PARD3B: variants seen among roughly 807,000 people sequenced by gnomAD.
The protein encoded by PARD3B is par-3 family cell polarity regulator beta, also known as partitioning defective 3 homolog B.
In PARD3B, 103 loss-of-function variants were observed where a neutral mutation model predicts 130.2. The ratio of observed to expected loss-of-function variants is 0.79; its 90% CI spans 0.67 to 0.93. The LOEUF (loss-of-function observed/expected upper bound fraction) is 0.93. PARD3B is among the 40% of genes least tolerant of loss of function. PARD3B has a pLI of 0.00. For missense variants in PARD3B, 1,609 were observed against 1,499.2 expected, an observed-to-expected ratio of 1.07 and a Z score of -1.21; for synonymous variants, 583 against 553.2, an observed-to-expected ratio of 1.05 and a Z score of -0.76.
At chr2:205,215,116 G>A (rs537533060) in intron 15 of PARD3B, among the ~76,000 whole-genome samples, 34 of 152,078 alleles carry the variant, frequency 2.2e-4, no homozygotes, top group Admixed American at 3.3e-4. Flanking sequence ...GTTTTAGAAG[G>A]TTCATTTTAA....
chr2:204,675,240 C>G lies in PARD3B; in HGVS notation c.121-10941C>G, dbSNP rs1574669444. On this transcript the variant is annotated intron_variant, in intron 1 of 22. Coordinates refer to ENST00000406610, the MANE Select transcript of PARD3B (RefSeq NM_001302769.2). The surrounding 1 kb of genome is among the most constrained non-coding windows in gnomAD (Gnocchi z 4.4). ...AAATTAGTAATGGTTCAGTGTTTTA[C>G]GTCTTTCATACTGAGAATTGTTTTT... Among the ~76,000 whole-genome samples, 1 of 152,016 alleles carries G rather than the reference C, an allele frequency of 6.6e-6. No individual in the cohort carries two copies. Among genetic ancestry groups the G allele is most frequent in the Admixed American group, 6.6e-5 (1 of 15,256 alleles).
chr2:205,249,265 C>A (rs1189898580), intron 16 of PARD3B, among the ~76,000 whole-genome samples: 1 of 150,286 alleles, frequency 6.7e-6, no homozygotes, highest in Non-Finnish European at 1.5e-5. Flanking sequence ...TTTATACTAT[C>A]CAAGACCAAC....
At chr2:205,120,684 T>C (rs2125618517) in intron 7 of PARD3B, among the ~76,000 whole-genome samples, 1 of 152,306 alleles carries the variant, frequency 6.6e-6, no homozygotes, top group Non-Finnish European at 1.5e-5. Flanking sequence ...GTGGCTACTA[T>C]CCTTCAGTGG....
intron 2 of PARD3B, among the ~76,000 whole-genome samples, chr2:204,948,538 C>T (rs972972552): frequency 6.6e-6 from 1 of 152,152 alleles, no homozygotes; most frequent in African/African-American, 2.4e-5. Context: ...GCTCCCAGTT[C>T]TGACCACATT....
In PARD3B at chr2:205,113,547, T is replaced by C. The variant is rs767545557; in HGVS notation, c.650T>C (p.Val217Ala). Residue 217 changes from valine (V) to alanine (A), a missense_variant, in exon 6 of 23, where the codon GTA (valine) becomes GCA (alanine). Coordinates refer to ENST00000406610, the MANE Select transcript of PARD3B (RefSeq NM_001302769.2). ...SGEGGPLGIH[V>A]VPFFSSLSGR... ...GAAGGAGGCCCATTGGGAATACATG[T>C]AGTGCCCTTCTTTTCATCTCTGAGT... 2 of 1,613,216 alleles carry C rather than the reference T, an allele frequency of 1.2e-6. No individual in the cohort carries two copies. Among genetic ancestry groups the C allele is most frequent in the South Asian group, 1.1e-5 (1 of 91,002 alleles).
intron 1 of PARD3B, among the ~76,000 whole-genome samples, chr2:204,596,917 ACTCT>A (rs560128486): frequency 8.9e-4 from 112 of 125,202 alleles, no homozygotes; most frequent in Non-Finnish European, 1.2e-3. Flanking sequence ...AAACTCACTC[ACTCT>A]CTCTCTCTCT....
intron 21 of PARD3B, among the ~76,000 whole-genome samples, chr2:205,523,741 G>T: frequency 6.7e-6 from 1 of 148,350 alleles, no homozygotes. Context: ...TATATGCAGT[G>T]TTTAATGCCA....
chr2:205,226,852 GAT>G (rs1686238767), intron 15 of PARD3B, among the ~76,000 whole-genome samples: 1 of 152,108 alleles, frequency 6.6e-6, no homozygotes, highest in Admixed American at 6.6e-5. Context: ...GGCCTTTTGT[GAT>G]ATGACATAGA....
At chr2:205,324,108 A>C (rs183923159) in intron 18 of PARD3B, among the ~76,000 whole-genome samples, 13 of 152,284 alleles carry the variant, frequency 8.5e-5, no homozygotes, top group Non-Finnish European at 1.8e-4. Context: ...CAGGGGCTTT[A>C]CAGTGTCTAA....
At chr2:205,207,169 C>T (rs1466437666) in intron 15 of PARD3B, among the ~76,000 whole-genome samples, 14 of 134,912 alleles carry the variant, frequency 1.0e-4, no homozygotes, top group Admixed American at 1.5e-4. Context: ...TTGAAACCAA[C>T]GAGAACAAAG....
intron 2 of PARD3B, among the ~76,000 whole-genome samples, chr2:204,825,644 TG>T (rs1181285269): frequency 2.6e-5 from 4 of 152,162 alleles, no homozygotes; most frequent in Admixed American, 6.5e-5. Context: ...CATTGGAGAG[TG>T]GCCACCACAT....
chr2:204,771,134 G>A (rs1293478046), intron 2 of PARD3B, among the ~76,000 whole-genome samples: 1 of 152,076 alleles, frequency 6.6e-6, no homozygotes, highest in Admixed American at 6.6e-5. Flanking sequence ...GCCTTTGTTA[G>A]TATCCTTTCT....
Position 205,590,851 on chromosome 2 carries a change from C to T in PARD3B, c.3261-24605C>T, listed in dbSNP as rs1011223049. On this transcript the variant is annotated intron_variant, in intron 22 of 22. Transcript: ENST00000406610. The surrounding 1 kb of genome is among the most constrained non-coding windows in gnomAD (Gnocchi z 4.1). Reference sequence around the variant, plus strand: ...CAGTACACCAAACCCTCTCTGCTTCCGGTCTGCTTGTCATTTGACCCACAG... The same window carrying T: ...CAGTACACCAAACCCTCTCTGCTTCTGGTCTGCTTGTCATTTGACCCACAG... Among the ~76,000 whole-genome samples the T allele has an allele frequency of 3.3e-5, 5 of 152,060 alleles. No individual in the cohort carries two copies. The highest frequency in any genetic ancestry group is 5.9e-5 in the Non-Finnish European group (4 of 68,018).
At chr2:204,858,827 A>G (rs992032115) in intron 2 of PARD3B, among the ~76,000 whole-genome samples, 5 of 149,028 alleles carry the variant, frequency 3.4e-5, no homozygotes, top group African/African-American at 1.2e-4. Flanking sequence ...ATAACATGTT[A>G]TATACCTTCA....
rs35260590 is a variant in PARD3B at position 205,203,378 on chromosome 2, CT to C, written c.2140+10068del. 1.3e-3 allele frequency among the ~76,000 whole-genome samples: 183 copies of C among 137,722 alleles called. 1 individual carries two copies. Among genetic ancestry groups the C allele is most frequent in the South Asian group, 6.2e-3 (26 of 4,170 alleles). The allele number at this position is 137,722 out of a possible 152,430, so 90.4% of individuals were successfully genotyped here. On this transcript the variant is annotated intron_variant, in intron 15 of 22. Coordinates refer to ENST00000406610, the MANE Select transcript of PARD3B (RefSeq NM_001302769.2). Reference sequence around the variant, plus strand: ...AGGCTCTGTATCTAGGATTCTAAGCCTTTTTTTTTTCACTTTTTATTTTTTT... The same window carrying C: ...AGGCTCTGTATCTAGGATTCTAAGCCTTTTTTTTTCACTTTTTATTTTTTT...
At chr2:204,588,198 G>A (rs144088447) in intron 1 of PARD3B, among the ~76,000 whole-genome samples, 92 of 152,232 alleles carry the variant, frequency 6.0e-4, no homozygotes, top group African/African-American at 2.1e-3. Flanking sequence ...CCGTGACTTG[G>A]ACTTGCATTC....
At chr2:204,854,529 G>C (rs2044840867) in intron 2 of PARD3B, among the ~76,000 whole-genome samples, 2 of 152,246 alleles carry the variant, frequency 1.3e-5, no homozygotes, top group African/African-American at 4.8e-5. Context: ...GAAGCAGAAA[G>C]TGGTGAAATG....
chr2:205,021,097 C>T lies in PARD3B; in HGVS notation c.395-26484C>T, dbSNP rs967157836. On this transcript the variant is annotated intron_variant, in intron 3 of 22. Coordinates refer to ENST00000406610, the MANE Select transcript of PARD3B (RefSeq NM_001302769.2). This position sits in a 1 kb window ranked among gnomAD's most constrained non-coding sequence, Gnocchi z 4.5. ...ATGGTGGGCAGAGAAAGCACCAGTT[C>T]CTATGTACTACCTCCAAACCAGAAA... Among the ~76,000 whole-genome samples, 2 of 152,076 alleles carry T rather than the reference C, an allele frequency of 1.3e-5. No individual in the cohort carries two copies. The highest frequency in any genetic ancestry group is 6.6e-5 in the Admixed American group (1 of 15,248).
rs2041186847 is a variant in PARD3B, at chr2:205,281,461, TG to T, written c.2186-19068del. ...AAACGAAGTTGAAAGAAAGAGACCT[TG>T]TTCCAGTGAACAGTTAGCAAACTAG... On this transcript the variant is annotated intron_variant, in intron 16 of 22. Transcript: ENST00000406610. The surrounding 1 kb of genome is among the most constrained non-coding windows in gnomAD (Gnocchi z 4.2). Among the ~76,000 whole-genome samples, 2 of 152,188 alleles carry T rather than the reference TG, an allele frequency of 1.3e-5. No individual in the cohort carries two copies. The highest frequency in any genetic ancestry group is 1.3e-4 in the Admixed American group (2 of 15,284).
Sources: gnomAD v4.1 joint callset for allele counts (sites outside exome capture counted in the v4.1 genomes callset) on GRCh38, gnomAD v4.1.1 for gene constraint, Gnocchi (gnomAD v3.1) non-coding constraint, MANE v1.5 for transcripts, NCBI Gene and HGNC (gene_info 2026-07-23, HGNC 2026-07-21) for gene names.